Variants in MIPOL1 observed in about 807,000 individuals in gnomAD.
MIPOL1 encodes the protein mirror-image polydactyly gene 1 protein.
MIPOL1 carries 57 observed loss-of-function variants against 60.9 expected under a neutral mutation model. That is an observed-to-expected ratio of 0.94 (90% CI 0.76 to 1.17). MIPOL1 has a LOEUF of 1.17. MIPOL1 is among the 50% of genes most tolerant of loss of function. The probability of loss-of-function intolerance (pLI) is 0.00; values close to 1 mark genes in which losing one functional copy is unlikely to be tolerated. For synonymous variants in MIPOL1, 179 were observed against 168.8 expected, an observed-to-expected ratio of 1.06 and a Z score of -0.47; for missense variants, 551 against 511.6, an observed-to-expected ratio of 1.08 and a Z score of -0.74.
intron 9 of MIPOL1, among the ~76,000 whole-genome samples, chr14:37,318,410 A>T (rs532425593): frequency 8.5e-5 from 13 of 152,290 alleles, no homozygotes; most frequent in Admixed American, 6.5e-4. Flanking sequence ...TAGGGAACAT[A>T]TTTGATATTC....
intron 11 of MIPOL1, among the ~76,000 whole-genome samples, chr14:37,499,431 G>A (rs10143976): frequency 0.77 from 117,003 of 152,072 alleles, 45,554 homozygotes; most frequent in African/African-American, 0.89. Flanking sequence ...ACAAGTAGAA[G>A]ATCAAGTAGA....
At chr14:37,241,921 T>C (rs1972427200) in intron 1 of MIPOL1, among the ~76,000 whole-genome samples, 1 of 152,132 alleles carries the variant, frequency 6.6e-6, no homozygotes, top group South Asian at 2.1e-4. Context: ...TGTATTAGTT[T>C]ATTTTGAACT....
chr14:37,425,912 G>A (rs977098596), intron 11 of MIPOL1, among the ~76,000 whole-genome samples: 2 of 152,144 alleles, frequency 1.3e-5, no homozygotes, highest in African/African-American at 4.8e-5. Context: ...ATAGACATCA[G>A]TTTTCTGTGA....
chr14:37,455,794 T>C (rs2153578198), intron 11 of MIPOL1, among the ~76,000 whole-genome samples: 2 of 152,280 alleles, frequency 1.3e-5, no homozygotes. Flanking sequence ...ATATTATAGA[T>C]ATGAATTTTT....
chr14:37,545,537 G>T, intron 12 of MIPOL1: 1 of 484,114 alleles, frequency 2.1e-6, no homozygotes, highest in East Asian at 3.4e-5. Flanking sequence ...TTGCATTTTA[G>T]AAAAGTTTGT....
At chr14:37,466,292 C>T (rs182920376) in intron 11 of MIPOL1, among the ~76,000 whole-genome samples, 4 of 152,218 alleles carry the variant, frequency 2.6e-5, no homozygotes, top group African/African-American at 9.6e-5. Flanking sequence ...TGACAAAGTA[C>T]TTGATTAAAG....
rs530002893 is a variant in MIPOL1, at chr14:37,264,523, G to T, written c.20-2415G>T. Among the ~76,000 whole-genome samples the T allele has an allele frequency of 2.6e-5, 4 of 152,052 alleles. No individual in the cohort carries two copies. The South Asian group carries it at 8.3e-4, about 32-fold the overall frequency. ...CACAGCTGTAGTCTCAACTATTCGGGGGGCTGAGTTGGGAAAATTGCTTAA... is the reference window on the plus strand; with the variant it reads ...CACAGCTGTAGTCTCAACTATTCGGTGGGCTGAGTTGGGAAAATTGCTTAA... On this transcript the variant is annotated intron_variant, in intron 3 of 12. Coordinates refer to ENST00000684589, the MANE Select transcript of MIPOL1 (RefSeq NM_001388067.1).
intron 1 of MIPOL1, among the ~76,000 whole-genome samples, chr14:37,228,935 G>T (rs1210435990): frequency 6.6e-6 from 1 of 151,998 alleles, no homozygotes; most frequent in African/African-American, 2.4e-5. Context: ...CTAAATAAAT[G>T]AATAGATTTG....
At chr14:37,357,601 C>G (rs1357634118) in intron 9 of MIPOL1, among the ~76,000 whole-genome samples, 1 of 152,028 alleles carries the variant, frequency 6.6e-6, no homozygotes, top group Non-Finnish European at 1.5e-5. Context: ...TAAAAAAAAT[C>G]AGGTTATTAG....
At chr14:37,477,520 G>T (rs968409697) in intron 11 of MIPOL1, among the ~76,000 whole-genome samples, 2 of 151,946 alleles carry the variant, frequency 1.3e-5, no homozygotes, top group African/African-American at 4.8e-5. Context: ...TGTTCATAAC[G>T]TTTTTCTATT....
intron 7 of MIPOL1, among the ~76,000 whole-genome samples, chr14:37,299,876 C>T (rs74047277): frequency 0.01 from 1,536 of 152,052 alleles, 24 homozygotes; most frequent in African/African-American, 0.035. Flanking sequence ...CTAGCCTGTC[C>T]TGGGCTGTGA....
At chr14:37,257,075 T>C (rs1187300997) in intron 3 of MIPOL1, among the ~76,000 whole-genome samples, 2 of 145,480 alleles carry the variant, frequency 1.4e-5, no homozygotes, top group East Asian at 4.1e-4. Flanking sequence ...TTTTTGTTTT[T>C]TGGGTTTTTT....
Position 37,267,188 on chromosome 14 carries a change from A to G in MIPOL1, c.251+19A>G, listed in dbSNP as rs1273048948. On this transcript the variant is annotated intron_variant, in intron 4 of 12. Coordinates refer to ENST00000684589, the MANE Select transcript of MIPOL1 (RefSeq NM_001388067.1). Reference sequence around the variant, plus strand: ...AATACAAGTAAGTGCTCACAGCCTTAGATTTAGAAGGAATTGGGGCCAGGC... The same window carrying G: ...AATACAAGTAAGTGCTCACAGCCTTGGATTTAGAAGGAATTGGGGCCAGGC... The G allele has an allele frequency of 6.3e-7, 1 of 1,589,022 alleles. No individual in the cohort carries two copies.
At chr14:37,281,673 G>A (rs1197474616) in intron 6 of MIPOL1, among the ~76,000 whole-genome samples, 1 of 152,128 alleles carries the variant, frequency 6.6e-6, no homozygotes, top group Non-Finnish European at 1.5e-5. Context: ...CCAAAGGGCT[G>A]GGATTACAGG....
chr14:37,271,246 G>A (rs984783014), intron 6 of MIPOL1, among the ~76,000 whole-genome samples: 9 of 152,008 alleles, frequency 5.9e-5, no homozygotes, highest in Non-Finnish European at 1.2e-4. Context: ...GTTTTAGTAT[G>A]TTAAGGAAAG....
intron 9 of MIPOL1, among the ~76,000 whole-genome samples, chr14:37,329,494 T>A (rs1333883674): frequency 1.3e-5 from 2 of 152,166 alleles, no homozygotes; most frequent in Non-Finnish European, 2.9e-5. Flanking sequence ...GAACTTTTAG[T>A]TTTAGCCTTG....
intron 10 of MIPOL1, among the ~76,000 whole-genome samples, chr14:37,411,500 A>T (rs192127160): frequency 6.6e-6 from 1 of 152,236 alleles, no homozygotes; most frequent in Non-Finnish European, 1.5e-5. Flanking sequence ...GCAACTAACC[A>T]AAAGCTTATA....
At chr14:37,444,989 G>A (rs1025787641) in intron 11 of MIPOL1, among the ~76,000 whole-genome samples, 1 of 152,048 alleles carries the variant, frequency 6.6e-6, no homozygotes, top group Non-Finnish European at 1.5e-5. Context: ...GGCAAAAACT[G>A]GAAGCATTCC....
chr14:37,334,900 T>TA (rs1399662900), intron 9 of MIPOL1, among the ~76,000 whole-genome samples: 1 of 152,124 alleles, frequency 6.6e-6, no homozygotes, highest in African/African-American at 2.4e-5. Context: ...ATATATGCCA[T>TA]ATTTTGTTTA....
Sources: allele counts gnomAD v4.1 joint callset (sites outside exome capture counted in the v4.1 genomes callset), GRCh38; gene constraint gnomAD v4.1.1; transcripts MANE v1.5; gene names NCBI Gene and HGNC (gene_info 2026-07-23, HGNC 2026-07-21).